The following KLKB1 variants were observed in gnomAD, a reference collection of about 807,000 sequenced individuals.
KLKB1 encodes kallikrein B1.
In KLKB1, 58 loss-of-function variants were observed where a neutral mutation model predicts 73.6. That is an observed-to-expected ratio of 0.79 (90% confidence interval 0.64 to 0.98). The LOEUF (loss-of-function observed/expected upper bound fraction) is 0.98. Ranked by LOEUF, KLKB1 falls within the 50% of genes least tolerant of loss-of-function variation. The pLI is 0.00. For missense variants in KLKB1, 737 were observed against 763.8 expected (o/e 0.96, Z 0.41); for synonymous variants, 280 against 258.1 (o/e 1.08, Z -0.81).
At chr4:186,252,787 CTTAT>C (rs1230065898) in intron 11 of KLKB1, among the ~76,000 whole-genome samples, 4 of 152,270 alleles carry the variant, frequency 2.6e-5, no homozygotes, top group South Asian at 4.1e-4. Flanking sequence ...TCTTCAAAGA[CTTAT>C]TTGTCAGGCC....
At chr4:186,233,798 A>G (rs1054332405) in intron 3 of KLKB1, among the ~76,000 whole-genome samples, 154 bp from the exon 4 acceptor site, 1 of 152,208 alleles carries the variant, frequency 6.6e-6, no homozygotes, top group Non-Finnish European at 1.5e-5. Flanking sequence ...GTGTTATAAA[A>G]TTAGCTCTAA....
At chr4:186,233,777 G>A (rs1357539878) in intron 3 of KLKB1, among the ~76,000 whole-genome samples, 175 bp from the exon 4 acceptor site, 6 of 152,228 alleles carry the variant, frequency 3.9e-5, no homozygotes, top group Non-Finnish European at 8.8e-5. Context: ...GATGGAGTTA[G>A]ATATTATGGG....
At chr4:186,248,595 A>ATTTTTTTTTTTTTTTTT (rs138717531) in intron 6 of KLKB1, among the ~76,000 whole-genome samples, 15 of 114,906 alleles carry the variant, frequency 1.3e-4, no homozygotes, top group Admixed American at 2.8e-4. Flanking sequence ...TTGTTTCTGG[A>ATTTTTTTTTTTTTTTTT]TTTTTTTTTT....
At position 186,250,235 on chromosome 4, in the gene KLKB1, G is replaced by A; in HGVS notation, c.599-8G>A. The A allele has an allele frequency of 1.2e-6, 2 of 1,613,740 alleles. No individual in the cohort carries two copies. Among genetic ancestry groups the A allele is most frequent in the East Asian group, 4.5e-5 (2 of 44,880 alleles). Reference sequence around the variant, plus strand: ...CCTAAGGAACATCTTCTCTCTGTGAGTTCACAGGTTGCCACATGAACATCT... The same window carrying A: ...CCTAAGGAACATCTTCTCTCTGTGAATTCACAGGTTGCCACATGAACATCT... On this transcript the variant is annotated splice_polypyrimidine_tract_variant and splice_region_variant and intron_variant, in intron 6 of 14. Transcript: ENST00000264690.
chr4:186,219,081 T>G (rs1683395213), intron 2 of KLKB1, among the ~76,000 whole-genome samples: 1 of 152,122 alleles, frequency 6.6e-6, no homozygotes, highest in Non-Finnish European at 1.5e-5. Context: ...ACTTAGCCAG[T>G]CTAGTCCTTC....
intron 6 of KLKB1, 84 bp downstream of exon 6, chr4:186,238,449 C>T: frequency 2.2e-6 from 2 of 929,614 alleles, no homozygotes; most frequent in Non-Finnish European, 3.6e-6. Flanking sequence ...GCCCTGGGAC[C>T]TGTGCGTGTG....
At chr4:186,220,941 G>A (rs1737020083) in intron 2 of KLKB1, among the ~76,000 whole-genome samples, 1 of 152,044 alleles carries the variant, frequency 6.6e-6, no homozygotes. Flanking sequence ...CAGGTGCTGA[G>A]CTTTTCTTAG....
intron 2 of KLKB1, chr4:186,213,412 G>T (rs1736791283): frequency 6.6e-6 from 1 of 152,194 alleles, no homozygotes; most frequent in Admixed American, 6.5e-5. Context: ...AGATAAATCA[G>T]GAGATGGCTG....
chr4:186,238,259 C>T lies in KLKB1; in HGVS notation c.492C>T (p.Asn164=). The T allele has an allele frequency of 1.2e-6, 2 of 1,606,616 alleles. No homozygotes were observed. The highest frequency in any genetic ancestry group is 1.7e-6 in the Non-Finnish European group (2 of 1,173,184). Residue 164 remains asparagine (N), a synonymous_variant, in exon 6 of 15, where the codon AAC becomes AAT. Transcript: ENST00000264690. Reference sequence around the variant, plus strand: ...AACCTCTTTTCTTCCCATTCAGGAACAATTGCCTATTAAAGTACAGTCCCG... The same window carrying T: ...AACCTCTTTTCTTCCCATTCAGGAATAATTGCCTATTAAAGTACAGTCCCG... ...TQTFHKAEYR[N]NCLLKYSPGG...
At chr4:186,230,899 G>A (rs1017689257) in intron 2 of KLKB1, among the ~76,000 whole-genome samples, 7 of 152,136 alleles carry the variant, frequency 4.6e-5, no homozygotes, top group Non-Finnish European at 1.5e-5. Context: ...TCCATGTTTT[G>A]TGCATACATG....
At chr4:186,223,056 G>GCT (rs559571120), upstream of KLKB1, among the ~76,000 whole-genome samples, 2 of 151,822 alleles carry the variant, frequency 1.3e-5, no homozygotes, top group African/African-American at 2.4e-5. Context: ...GTGCGCACAT[G>GCT]CTCTCTCTCT....
At chr4:186,251,882 G>T (rs112774511) in intron 10 of KLKB1, 21 bp downstream of exon 10, 2 of 1,603,074 alleles carry the variant, frequency 1.2e-6, no homozygotes, top group South Asian at 2.2e-5. Context: ...TCACTTTTTC[G>T]TGGACCTGTC....
chr4:186,254,610 C>T lies in KLKB1; in HGVS notation c.1336C>T (p.Arg446Cys), dbSNP rs145932193. 34 of 1,613,886 alleles carry T rather than the reference C, an allele frequency of 2.1e-5. No homozygotes were observed. Among genetic ancestry groups the T allele is most frequent in the East Asian group, 6.7e-5 (3 of 44,874 alleles). Residue 446 changes from arginine (R) to cysteine (C), a missense_variant, in exon 12 of 15, where the codon CGC becomes TGC. Coordinates refer to ENST00000264690, the MANE Select transcript of KLKB1 (RefSeq NM_000892.5). ...TAGGCTTCCCCTGCAGGATGTTTGG[C>T]GCATCTATAGTGGCATTTTAAATCT... is the stretch of plus-strand genomic sequence containing the variant. Reference protein sequence around the residue: ...FDGLPLQDVWRIYSGILNLSD... With the variant: ...FDGLPLQDVWCIYSGILNLSD...
intron 2 of KLKB1, chr4:186,228,809 T>C (rs1401947480): frequency 6.6e-6 from 1 of 152,384 alleles, no homozygotes; most frequent in East Asian, 1.9e-4. Context: ...CTCATTTCTC[T>C]ATTAATTTCA....
chr4:186,254,554 C>T (rs1250582420), intron 11 of KLKB1, 34 bp from the exon 12 acceptor site: 1 of 1,567,996 alleles, frequency 6.4e-7, no homozygotes, highest in Admixed American at 1.7e-5. Context: ...AAGGACTGCC[C>T]AGTTTCAAAC....
chr4:186,250,437 A>C, intron 7 of KLKB1, 35 bp downstream of exon 7: 1 of 1,607,472 alleles, frequency 6.2e-7, no homozygotes, highest in Non-Finnish European at 8.5e-7. Flanking sequence ...CACAAAGGCG[A>C]GTATGCATGG....
At chr4:186,227,045 T>G (rs1010652807), upstream of KLKB1, among the ~76,000 whole-genome samples, 3 of 151,922 alleles carry the variant, frequency 2.0e-5, no homozygotes, top group African/African-American at 7.3e-5. Flanking sequence ...TTTACTGGAG[T>G]GGGCTTGGTG....
chr4:186,251,309 C>A lies in KLKB1; in HGVS notation c.849C>A (p.Thr283=), dbSNP rs1210041496. ...ENTISGYSLL[T]CKRTLPEPCH... ...CCATATCTGGATATAGCCTTTTAAC[C>A]TGCAAAAGAACTTTACCTGGTAATG... Residue 283 remains threonine, a synonymous_variant, in exon 8 of 15, where the codon ACC becomes ACA. Coordinates refer to ENST00000264690, the MANE Select transcript of KLKB1 (RefSeq NM_000892.5). The A allele has an allele frequency of 6.2e-7, 1 of 1,606,048 alleles. No homozygotes were observed. The highest frequency in any genetic ancestry group is 8.5e-7 in the Non-Finnish European group (1 of 1,172,884).
chr4:186,219,407 C>T (rs964231007), intron 2 of KLKB1, among the ~76,000 whole-genome samples: 21 of 152,264 alleles, frequency 1.4e-4, no homozygotes, highest in Admixed American at 5.9e-4. Flanking sequence ...AGCTATCCTT[C>T]GTACAACCAG....
Sources: allele counts gnomAD v4.1 joint callset (sites outside exome capture counted in the v4.1 genomes callset), GRCh38; gene constraint gnomAD v4.1.1; transcripts MANE v1.5; gene names NCBI Gene and HGNC (gene_info 2026-07-23, HGNC 2026-07-21).